METTL8: variants seen among roughly 807,000 people sequenced by gnomAD.
METTL8 encodes the protein methyltransferase 8, tRNA N3-cytidine.
A neutral mutation model predicts 48.7 loss-of-function variants in METTL8; 32 were observed. That is an observed-to-expected ratio of 0.66 (90% CI 0.50 to 0.88). METTL8 has a LOEUF of 0.88. Among genes scored for constraint, METTL8 ranks in the 40% least tolerant of loss-of-function variants. The pLI, the probability that METTL8 is intolerant of heterozygous loss-of-function variation, is 0.00. For missense variants in METTL8, 464 were observed against 474.4 expected, an observed-to-expected ratio of 0.98 and a Z score of 0.20; for synonymous variants, 136 against 157.1, an observed-to-expected ratio of 0.87 and a Z score of 1.01.
chr2:171,382,627 C>T (rs952359598), intron 2 of METTL8, among the ~76,000 whole-genome samples: 4 of 151,804 alleles, frequency 2.6e-5, no homozygotes, highest in East Asian at 3.9e-4. Flanking sequence ...ACCTAGATGA[C>T]GGGTTGACAG....
chr2:171,415,541 G>A (rs912895751), intron 1 of METTL8, among the ~76,000 whole-genome samples: 14 of 151,670 alleles, frequency 9.2e-5, no homozygotes, highest in African/African-American at 3.1e-4. Flanking sequence ...TAGTACAGGT[G>A]GGGTTTCACC....
At chr2:171,434,234 G>A, upstream of METTL8, 1 of 452,866 alleles carries the variant, frequency 2.2e-6, no homozygotes. Context: ...GGGAGAAGCC[G>A]GGCTGCCTCA....
At chr2:171,355,383 G>A (rs919791764) in intron 3 of METTL8, among the ~76,000 whole-genome samples, 1 of 150,924 alleles carries the variant, frequency 6.6e-6, no homozygotes, top group African/African-American at 2.5e-5. Flanking sequence ...GCCCCTACTG[G>A]GAGGTGCCTC....
intron 1 of METTL8, among the ~76,000 whole-genome samples, chr2:171,408,789 C>CCTAA (rs1295068359): frequency 6.6e-6 from 1 of 152,094 alleles, no homozygotes; most frequent in Non-Finnish European, 1.5e-5. Flanking sequence ...TGGCATGATA[C>CCTAA]CTAACTTCGC....
chr2:171,430,609 C>T (rs924239783), intron 1 of METTL8, among the ~76,000 whole-genome samples: 3 of 152,108 alleles, frequency 2.0e-5, no homozygotes, highest in African/African-American at 7.2e-5. Context: ...AGGCAAGTGA[C>T]AGCTTGTGCT....
Position 171,323,867 on chromosome 2 carries a change from C to T in METTL8, c.*305G>A. 1 of 222,604 alleles carries T rather than the reference C, an allele frequency of 4.5e-6. No homozygotes were observed. 13.8% of individuals were successfully genotyped at this position (222,604 alleles called of 1,614,324 possible). ...CAAAAAATGTCAAGTTACATTTTCTCAAAATTACTTGACATAATACTAACT... is the reference window on the plus strand; with the variant it reads ...CAAAAAATGTCAAGTTACATTTTCTTAAAATTACTTGACATAATACTAACT... On this transcript the variant is annotated 3_prime_UTR_variant, in exon 10 of 10. Coordinates refer to ENST00000375258, the MANE Select transcript of METTL8 (RefSeq NM_001321154.2).
In METTL8 at chr2:171,325,917, T is replaced by C. The variant is rs375859817; in HGVS notation, c.968-11A>G. On this transcript the variant is annotated splice_polypyrimidine_tract_variant and intron_variant, in intron 8 of 9. Transcript: ENST00000375258. ...CAGATAAACAATGTCCTGAAAAAAA[T>C]TGTGAAAAGAGAAACTCTTAAGGGT... 2.2e-5 allele frequency: 35 copies of C among 1,575,746 alleles called. No homozygotes were observed. The highest frequency in any genetic ancestry group is 6.7e-5 in the East Asian group (3 of 44,614).
chr2:171,401,949 T>C lies in METTL8; in HGVS notation c.-12-9752A>G, dbSNP rs546353624. Among the ~76,000 whole-genome samples the C allele has an allele frequency of 3.3e-5, 5 of 152,272 alleles. No individual in the cohort carries two copies. The South Asian group carries it at 1.0e-3, about 32-fold the overall frequency. ...TAAGTCCTGGGATTTCAGAGACAAA[T>C]CCATTTGGTTTCTGCTCTCAAGAAT... On this transcript the variant is annotated intron_variant, in intron 1 of 9. Coordinates refer to ENST00000375258, the MANE Select transcript of METTL8 (RefSeq NM_001321154.2).
At chr2:171,357,825 G>A (rs982390485) in intron 3 of METTL8, among the ~76,000 whole-genome samples, 4 of 152,004 alleles carry the variant, frequency 2.6e-5, no homozygotes, top group African/African-American at 9.7e-5. Flanking sequence ...CCCCTGAGTA[G>A]CTGGGACTAC....
chr2:171,385,336 CAA>C (rs201042982), intron 2 of METTL8, among the ~76,000 whole-genome samples: 9 of 96,244 alleles, frequency 9.4e-5, no homozygotes, highest in Admixed American at 1.1e-4. Context: ...GACCCTGTCT[CAA>C]AAAAAAAAAA....
chr2:171,339,987 A>C (rs1686543209), intron 3 of METTL8, among the ~76,000 whole-genome samples: 1 of 152,000 alleles, frequency 6.6e-6, no homozygotes, highest in South Asian at 2.1e-4. Flanking sequence ...TCACGAGGTC[A>C]GGAGTTCGAG....
At chr2:171,379,447 TAA>T (rs200665965) in intron 2 of METTL8, among the ~76,000 whole-genome samples, 16 of 146,264 alleles carry the variant, frequency 1.1e-4, no homozygotes, top group Non-Finnish European at 2.0e-4. Context: ...AAAAAACCCT[TAA>T]AAAAAAAAAT....
intron 1 of METTL8, among the ~76,000 whole-genome samples, chr2:171,396,468 T>C (rs1689075643): frequency 6.6e-6 from 1 of 152,154 alleles, no homozygotes; most frequent in Non-Finnish European, 1.5e-5. Flanking sequence ...CTACCAATTG[T>C]CTAATGTAAT....
At chr2:171,348,861 A>T (rs1442897447) in intron 3 of METTL8, among the ~76,000 whole-genome samples, 2 of 152,196 alleles carry the variant, frequency 1.3e-5, no homozygotes, top group African/African-American at 4.8e-5. Flanking sequence ...AAATCATTTT[A>T]AGAAAAATAA....
intron 2 of METTL8, among the ~76,000 whole-genome samples, chr2:171,391,211 A>G (rs1253728964): frequency 6.6e-6 from 1 of 152,232 alleles, no homozygotes; most frequent in Non-Finnish European, 1.5e-5. Context: ...TTTAGCAAGA[A>G]ATTACTTTTT....
upstream of METTL8, chr2:171,434,734 G>A (rs1693712622): frequency 1.4e-6 from 2 of 1,401,874 alleles, no homozygotes; most frequent in Non-Finnish European, 1.8e-6. Context: ...GCGGGACGGA[G>A]GGCCGCGGGC....
chr2:171,409,919 G>C (rs1690578615), intron 1 of METTL8, among the ~76,000 whole-genome samples: 2 of 152,140 alleles, frequency 1.3e-5, no homozygotes, highest in Admixed American at 1.3e-4. Context: ...AGGCCGGAAA[G>C]ATCACATGTG....
intron 1 of METTL8, among the ~76,000 whole-genome samples, chr2:171,417,336 T>A (rs1382064277): frequency 6.6e-6 from 1 of 152,218 alleles, no homozygotes; most frequent in African/African-American, 2.4e-5. Context: ...AAAATCAGTA[T>A]GCTGAAGAAG....
intron 2 of METTL8, among the ~76,000 whole-genome samples, chr2:171,372,336 T>G (rs1306419672): frequency 2.0e-5 from 3 of 152,074 alleles, no homozygotes; most frequent in Non-Finnish European, 4.4e-5. Flanking sequence ...AAAATATAGT[T>G]ACATCTCTAC....
Sources: allele counts gnomAD v4.1 joint callset (sites outside exome capture counted in the v4.1 genomes callset), GRCh38; gene constraint gnomAD v4.1.1; transcripts MANE v1.5; gene names NCBI Gene and HGNC (gene_info 2026-07-23, HGNC 2026-07-21).